PCSK5: variants seen among roughly 807,000 people sequenced by gnomAD.
The protein encoded by PCSK5 is proprotein convertase subtilisin/kexin type 5, also known as prohormone convertase 5.
In PCSK5, 129 loss-of-function variants were observed where a neutral mutation model predicts 233.2. The observed-to-expected ratio is 0.55, with a 90% CI of 0.48 to 0.64. The LOEUF (loss-of-function observed/expected upper bound fraction) is 0.64. Ranked by LOEUF, PCSK5 falls within the 30% of genes least tolerant of loss-of-function variation. PCSK5 has a pLI of 0.00. For missense variants in PCSK5, 2,076 were observed against 2,430.1 expected, an observed-to-expected ratio of 0.85 and a Z score of 3.06; for synonymous variants, 825 against 879.2, an observed-to-expected ratio of 0.94 and a Z score of 1.09.
At position 76,323,662 on chromosome 9, in the gene PCSK5, A is replaced by T. The variant is rs145106027; in HGVS notation, c.4339+374A>T. 6.3e-3 allele frequency among the ~76,000 whole-genome samples: 955 copies of T among 152,102 alleles called. 9 individuals carry two copies. The highest frequency in any genetic ancestry group is 0.017 in the Middle Eastern group (5 of 294). On this transcript the variant is annotated intron_variant, in intron 32 of 37. Coordinates refer to ENST00000674117, the MANE Select transcript of PCSK5 (RefSeq NM_001372043.1). ...AGTCCATCTCATCCTTTACCATCTC[A>T]CTCAAGGAGGCATATTTTGAACCGG...
chr9:75,950,460 C>T (rs1290165298), intron 2 of PCSK5, among the ~76,000 whole-genome samples: 3 of 151,958 alleles, frequency 2.0e-5, no homozygotes, highest in Admixed American at 1.3e-4. Flanking sequence ...GTTTTTAAAA[C>T]GAAAACACCA....
At chr9:76,301,654 C>T (rs887073063) in intron 27 of PCSK5, among the ~76,000 whole-genome samples, 1 of 152,138 alleles carries the variant, frequency 6.6e-6, no homozygotes, top group Non-Finnish European at 1.5e-5. Flanking sequence ...ACCAACCTGG[C>T]CAACACGGTG....
rs543816111 is a variant in PCSK5 at position 76,068,366 on chromosome 9, C to T, written c.721+323C>T. On this transcript the variant is annotated intron_variant, in intron 6 of 37. Coordinates refer to ENST00000674117, the MANE Select transcript of PCSK5 (RefSeq NM_001372043.1). ...CAATTGGTGCCTGGGTTAGAACGAACTAATAATATAAACATTAGGCCATAA... is the reference window on the plus strand; with the variant it reads ...CAATTGGTGCCTGGGTTAGAACGAATTAATAATATAAACATTAGGCCATAA... Among the ~76,000 whole-genome samples the T allele has an allele frequency of 3.3e-5, 5 of 152,142 alleles. No homozygotes were observed. In the South Asian group the frequency reaches 1.0e-3, roughly 32 times the overall value.
At chr9:75,995,770 C>CACACACAT (rs1404049375) in intron 3 of PCSK5, among the ~76,000 whole-genome samples, 1 of 151,850 alleles carries the variant, frequency 6.6e-6, no homozygotes, top group Non-Finnish European at 1.5e-5. Flanking sequence ...CACACACACA[C>CACACACAT]ACACACACAC....
At chr9:76,142,434 G>T (rs1024452584) in intron 10 of PCSK5, among the ~76,000 whole-genome samples, 1 of 152,056 alleles carries the variant, frequency 6.6e-6, no homozygotes, top group Admixed American at 6.6e-5. Context: ...TAGGTATAGA[G>T]CATTTCAGGC....
At chr9:76,338,552 C>T in intron 35 of PCSK5, 105 bp downstream of exon 35, 1 of 735,534 alleles carries the variant, frequency 1.4e-6, no homozygotes, top group South Asian at 1.7e-5. Context: ...GTTCCTCTTG[C>T]TTCCCTACCT....
At chr9:76,129,908 T>A (rs1306459900) in intron 9 of PCSK5, among the ~76,000 whole-genome samples, 2 of 152,048 alleles carry the variant, frequency 1.3e-5, no homozygotes, top group African/African-American at 4.8e-5. Flanking sequence ...TTATGCTGTT[T>A]TTGCAGCTGA....
chr9:76,324,112 G>C (rs899207625), intron 32 of PCSK5, among the ~76,000 whole-genome samples: 14 of 151,954 alleles, frequency 9.2e-5, no homozygotes, highest in African/African-American at 2.9e-4. Flanking sequence ...TTTTAGTAGA[G>C]AGGGGGTTTC....
chr9:76,234,734 A>G (rs1826196578), intron 22 of PCSK5, among the ~76,000 whole-genome samples: 1 of 152,268 alleles, frequency 6.6e-6, no homozygotes, highest in African/African-American at 2.4e-5. Context: ...AGATAAAACA[A>G]TAAAGCATTT....
chr9:76,085,322 G>T (rs2131628832), intron 7 of PCSK5, among the ~76,000 whole-genome samples: 1 of 152,312 alleles, frequency 6.6e-6, no homozygotes. Flanking sequence ...CTTGGATGAG[G>T]CCTATAGTGG....
rs116543611 is a variant in PCSK5, at chr9:75,927,685, G to A, written c.193-4694G>A. 2.6e-3 allele frequency among the ~76,000 whole-genome samples: 399 copies of A among 152,276 alleles called. 1 individual carries two copies. The highest frequency in any genetic ancestry group is 9.2e-3 in the African/African-American group (384 of 41,536). ...CAGCTCCTCATCAGGGGCAAAGCCA[G>A]TGTTAACACGTGGGTCTCAGCTGTC... On this transcript the variant is annotated intron_variant, in intron 1 of 37. Transcript: ENST00000674117.
rs1397459905 is a variant in PCSK5 at position 76,296,730 on chromosome 9, T to C, written c.3388T>C (p.Ser1130Pro). 1 of 1,612,112 alleles carries C rather than the reference T, an allele frequency of 6.2e-7. No individual in the cohort carries two copies. The highest frequency in any genetic ancestry group is 8.5e-7 in the Non-Finnish European group (1 of 1,179,562). Residue 1130 changes from serine (S) to proline (P), a missense_variant, in exon 27 of 38, where the codon TCC (serine) becomes CCC (proline). Physicochemically the swap from Ser to Pro is moderately conservative, Grantham distance 74. Transcript: ENST00000674117. ...TGACCAAGAAATGGGAGAATGTGAG[T>C]CCTGCCACCGAGCATGCGAAACCTG... The part of the protein sequence containing the change: ...YGDQEMGECE[S>P]CHRACETCTG...
intron 1 of PCSK5, among the ~76,000 whole-genome samples, chr9:75,897,232 C>A (rs1825843733): frequency 6.6e-6 from 1 of 152,108 alleles, no homozygotes; most frequent in Non-Finnish European, 1.5e-5. Flanking sequence ...AGAATAACAA[C>A]ATACAGTAAT....
intron 9 of PCSK5, among the ~76,000 whole-genome samples, chr9:76,116,942 G>A (rs1172932393): frequency 6.6e-6 from 1 of 152,128 alleles, no homozygotes; most frequent in Non-Finnish European, 1.5e-5. Context: ...TTATTCAAAA[G>A]TATGGATAGG....
chr9:76,018,505 G>A (rs937487788), intron 3 of PCSK5, among the ~76,000 whole-genome samples: 1 of 152,124 alleles, frequency 6.6e-6, no homozygotes, highest in African/African-American at 2.4e-5. Flanking sequence ...CGCATGCGAG[G>A]GATCTAGGTT....
chr9:76,216,753 A>G (rs916994861), intron 20 of PCSK5, among the ~76,000 whole-genome samples: 13 of 152,226 alleles, frequency 8.5e-5, no homozygotes, highest in African/African-American at 3.1e-4. Flanking sequence ...AATGGTTAAT[A>G]CAATTGGAGT....
chr9:75,935,472 G>A (rs755362073), intron 2 of PCSK5, among the ~76,000 whole-genome samples: 1 of 152,112 alleles, frequency 6.6e-6, no homozygotes, highest in Non-Finnish European at 1.5e-5. Context: ...ATAATTCACT[G>A]TGTATTTATT....
intron 3 of PCSK5, among the ~76,000 whole-genome samples, chr9:76,019,822 G>A (rs1828104224): frequency 6.6e-6 from 1 of 152,166 alleles, no homozygotes; most frequent in African/African-American, 2.4e-5. Context: ...AGTACAAGCT[G>A]ATATGGATAA....
At position 76,122,045 on chromosome 9, in the gene PCSK5, G is replaced by A. The variant is rs1446057123; in HGVS notation, c.1209-12064G>A. On this transcript the variant is annotated intron_variant, in intron 9 of 37. Coordinates refer to ENST00000674117, the MANE Select transcript of PCSK5 (RefSeq NM_001372043.1). ...TCACCGTTTTAGCCGGGATGGTCTC[G>A]ATCTCCTGACCTCGTGATCCGCCCG... 6.6e-5 allele frequency among the ~76,000 whole-genome samples: 3 copies of A among 45,284 alleles called. 1 individual carries two copies. The highest frequency in any genetic ancestry group is 5.9e-4 in the East Asian group (1 of 1,696). 29.7% of individuals were successfully genotyped at this position (45,284 alleles called of 152,430 possible).
Sources: gnomAD v4.1 joint callset for allele counts (sites outside exome capture counted in the v4.1 genomes callset) on GRCh38, gnomAD v4.1.1 for gene constraint, MANE v1.5 for transcripts, NCBI Gene and HGNC (gene_info 2026-07-23, HGNC 2026-07-21) for gene names.